The following SLC47A1 variants were observed in gnomAD, a reference collection of about 807,000 sequenced individuals.
SLC47A1 encodes the protein solute carrier family 47 member 1.
A neutral mutation model predicts 65.8 loss-of-function variants in SLC47A1; 58 were observed. That is an observed-to-expected ratio of 0.88 (90% CI 0.71 to 1.10). SLC47A1 has a LOEUF of 1.10. SLC47A1 is among the 50% of genes least tolerant of loss of function. The probability of loss-of-function intolerance (pLI) is 0.00; values close to 1 mark genes in which losing one functional copy is unlikely to be tolerated. For synonymous variants in SLC47A1, 285 were observed against 295.0 expected (o/e 0.97, Z 0.35); for missense variants, 706 against 719.2 (o/e 0.98, Z 0.21).
chr17:19,565,577 C>CTT (rs11362429), intron 12 of SLC47A1, among the ~76,000 whole-genome samples: 203 of 95,522 alleles, frequency 2.1e-3, no homozygotes, highest in Middle Eastern at 7.1e-3. Flanking sequence ...GTCTGAAAAT[C>CTT]TTTTTTTTTT....
chr17:19,554,540 G>A (rs897234577), intron 6 of SLC47A1, among the ~76,000 whole-genome samples: 36 of 152,208 alleles, frequency 2.4e-4, no homozygotes, highest in Non-Finnish European at 4.9e-4. Flanking sequence ...CACTAGGGGA[G>A]TAATGACACT....
intron 14 of SLC47A1, among the ~76,000 whole-genome samples, chr17:19,570,053 A>G (rs1052771584): frequency 6.6e-6 from 1 of 152,168 alleles, no homozygotes; most frequent in African/African-American, 2.4e-5. Flanking sequence ...TGGAGGCTGT[A>G]GTGAGCTGTG....
chr17:19,572,780 G>A lies in SLC47A1; in HGVS notation c.1405G>A (p.Ala469Thr). The A allele has an allele frequency of 1.2e-6, 2 of 1,614,006 alleles. No homozygotes were observed. Among genetic ancestry groups the A allele is most frequent in the Non-Finnish European group, 1.7e-6 (2 of 1,179,946 alleles). ...QLNWKKACQQ[A>T]QVHANLKVNN... ...TGATGGACTGAGTTTCATTTTCCAGGCTCAGGTACACGCCAATTTGAAAGT... is the reference window on the plus strand; with the variant it reads ...TGATGGACTGAGTTTCATTTTCCAGACTCAGGTACACGCCAATTTGAAAGT... The change falls in exon 16 of 17, where the codon GCT becomes ACT. Residue 469 changes from alanine to threonine, a missense_variant and splice_region_variant. Transcript: ENST00000270570.
intron 12 of SLC47A1, among the ~76,000 whole-genome samples, chr17:19,563,234 G>C (rs1211724147): frequency 7.1e-6 from 1 of 141,094 alleles, no homozygotes; most frequent in African/African-American, 2.6e-5. Context: ...CCGGGTTCAC[G>C]CCATTCTCCT....
chr17:19,578,000 T>C lies in SLC47A1; in HGVS notation c.*447T>C. On this transcript the variant is annotated 3_prime_UTR_variant, in exon 17 of 17. Transcript: ENST00000270570. ...GTTTTTGTTTTAATTTTTTTTTTAA[T>C]AGACGGAAGTCTTGCTCTGTCATGC... 11 of 1,268,772 alleles carry C rather than the reference T, an allele frequency of 8.7e-6. No homozygotes were observed. Among genetic ancestry groups the C allele is most frequent in the Non-Finnish European group, 1.1e-5 (11 of 971,988 alleles). The allele number at this position is 1,268,772 out of a possible 1,614,324, so 78.6% of individuals were successfully genotyped here. A position where few individuals can be genotyped will look rare whatever the true frequency, so the allele number is the denominator to read the frequency against.
At chr17:19,570,335 C>T (rs1435041338) in intron 14 of SLC47A1, among the ~76,000 whole-genome samples, 1 of 152,272 alleles carries the variant, frequency 6.6e-6, no homozygotes, top group African/African-American at 2.4e-5. Context: ...TGGCTGCCAC[C>T]ACTTGCATTT....
chr17:19,552,547 A>G (rs904920822), intron 6 of SLC47A1, among the ~76,000 whole-genome samples: 3 of 152,066 alleles, frequency 2.0e-5, no homozygotes, highest in Non-Finnish European at 4.4e-5. Flanking sequence ...CAGTCCCCCA[A>G]CCACTGTGGT....
At chr17:19,558,494 C>T (rs1312165569) in intron 10 of SLC47A1, among the ~76,000 whole-genome samples, 1 of 150,574 alleles carries the variant, frequency 6.6e-6, no homozygotes, top group Non-Finnish European at 1.5e-5. Flanking sequence ...AAGACAGTGT[C>T]TTGTTCTGGT....
At position 19,548,010 on chromosome 17, in the gene SLC47A1, A is replaced by C; in HGVS notation, c.332A>C (p.His111Pro). Residue 111 changes from histidine to proline, a missense_variant, in exon 4 of 17, where the codon CAC becomes CCC. His to Pro is a moderately conservative substitution (Grantham distance 77). Transcript: ENST00000270570. ...SQTYGSQNLK[H>P]VGVILQRSAL... ...ACGTACGGGAGCCAGAACCTGAAGC[A>C]CGTGGGCGTGATCCTGCAGCGGAGT... 2 of 1,613,732 alleles carry C rather than the reference A, an allele frequency of 1.2e-6. No homozygotes were observed. Among genetic ancestry groups the C allele is most frequent in the Non-Finnish European group, 1.7e-6 (2 of 1,179,728 alleles).
Position 19,547,974 on chromosome 17 carries a change from G to A in SLC47A1, c.307-11G>A. The A allele has an allele frequency of 6.2e-7, 1 of 1,607,390 alleles. No homozygotes were observed. The highest frequency in any genetic ancestry group is 1.1e-5 in the South Asian group (1 of 90,250). ...GTGCTAATGGGCTCATTTTGGCTGT[G>A]TGCACCCCAGACGTACGGGAGCCAG... On this transcript the variant is annotated splice_polypyrimidine_tract_variant and intron_variant, in intron 3 of 16. Transcript: ENST00000270570.
intron 2 of SLC47A1, among the ~76,000 whole-genome samples, chr17:19,543,977 A>G (rs956207554): frequency 6.6e-6 from 1 of 152,150 alleles, no homozygotes; most frequent in Non-Finnish European, 1.5e-5. Flanking sequence ...TTATTTTGAG[A>G]TGGAGTCTCG....
In SLC47A1 at chr17:19,577,593, GC is replaced by G. The variant is rs776113406; in HGVS notation, c.*41del. 256 of 1,610,328 alleles carry G rather than the reference GC, an allele frequency of 1.6e-4. No individual in the cohort carries two copies. The highest frequency in any genetic ancestry group is 2.7e-5 in the Non-Finnish European group (32 of 1,177,836). ...AAGTCAGGTCAAGTGATGCTTTTGA[GC>G]TTACACACAATTCACAGGCCCACCA... On this transcript the variant is annotated 3_prime_UTR_variant, in exon 17 of 17. Transcript: ENST00000270570.
intron 10 of SLC47A1, among the ~76,000 whole-genome samples, chr17:19,558,139 T>C (rs1015237560): frequency 5.9e-5 from 9 of 152,210 alleles, no homozygotes; most frequent in African/African-American, 1.9e-4. Flanking sequence ...ACAATACCAA[T>C]TGTTCTGGTA....
At chr17:19,534,174 G>A in intron 1 of SLC47A1, 100 bp downstream of exon 1, 1 of 1,357,080 alleles carries the variant, frequency 7.4e-7, no homozygotes, top group Non-Finnish European at 9.6e-7. Flanking sequence ...GGGACCGAGC[G>A]AGCTGTCCGC....
At position 19,548,007 on chromosome 17, in the gene SLC47A1, A is replaced by G; in HGVS notation, c.329A>G (p.Lys110Arg). 5.0e-6 allele frequency: 8 copies of G among 1,613,486 alleles called. No homozygotes were observed. Among genetic ancestry groups the G allele is most frequent in the Non-Finnish European group, 6.8e-6 (8 of 1,179,538 alleles). Residue 110 changes from lysine to arginine, a missense_variant, in exon 4 of 17, where the codon AAG becomes AGG. Transcript: ENST00000270570. ...ISQTYGSQNL[K>R]HVGVILQRSA... Reference sequence around the variant, plus strand: ...CAGACGTACGGGAGCCAGAACCTGAAGCACGTGGGCGTGATCCTGCAGCGG... The same window carrying G: ...CAGACGTACGGGAGCCAGAACCTGAGGCACGTGGGCGTGATCCTGCAGCGG...
rs764686081 is a variant in SLC47A1, at chr17:19,577,664, A to AT, written c.*115dup. ...TAATGTCATTCAGGTGTGCCCATGG[A>AT]TTTTGAGGGCTGGAAATGCAAAGAC... On this transcript the variant is annotated 3_prime_UTR_variant, in exon 17 of 17. Coordinates refer to ENST00000270570, the MANE Select transcript of SLC47A1 (RefSeq NM_018242.3). 1.1e-4 allele frequency: 162 copies of AT among 1,513,360 alleles called. No homozygotes were observed. The highest frequency in any genetic ancestry group is 4.7e-4 in the Middle Eastern group (2 of 4,226). 93.7% of individuals were successfully genotyped at this position (1,513,360 alleles called of 1,614,324 possible). A position where few individuals can be genotyped will look rare whatever the true frequency, so the allele number is the denominator to read the frequency against.
rs545183024 is a variant in SLC47A1, at chr17:19,554,732, A to C, written c.544-480A>C. On this transcript the variant is annotated intron_variant, in intron 6 of 16. Coordinates refer to ENST00000270570, the MANE Select transcript of SLC47A1 (RefSeq NM_018242.3). ...CACCAAACAGTCTGGATGTTTCACCAGTCCTGTACTTTTGAAAGTTAGATA... is the reference window on the plus strand; with the variant it reads ...CACCAAACAGTCTGGATGTTTCACCCGTCCTGTACTTTTGAAAGTTAGATA... Among the ~76,000 whole-genome samples the C allele has an allele frequency of 3.3e-5, 5 of 152,294 alleles. No individual in the cohort carries two copies. In the South Asian group the frequency reaches 1.0e-3, roughly 32 times the overall value.
At chr17:19,558,062 CATTT>C (rs1349703220) in intron 10 of SLC47A1, among the ~76,000 whole-genome samples, 1 of 151,796 alleles carries the variant, frequency 6.6e-6, no homozygotes, top group African/African-American at 2.4e-5. Context: ...AGTTTTGTCA[CATTT>C]ATTCTGTCTG....
intron 1 of SLC47A1, among the ~76,000 whole-genome samples, chr17:19,541,391 G>T (rs559299497): frequency 1.3e-5 from 2 of 152,182 alleles, no homozygotes; most frequent in Non-Finnish European, 2.9e-5. Flanking sequence ...ATACTGGACC[G>T]CCTGGGTCTA....
Sources: gnomAD v4.1 joint callset for allele counts (sites outside exome capture counted in the v4.1 genomes callset) on GRCh38, gnomAD v4.1.1 for gene constraint, MANE v1.5 for transcripts, NCBI Gene and HGNC (gene_info 2026-07-23, HGNC 2026-07-21) for gene names.